Variants in MCUB observed in about 807,000 individuals in gnomAD.
MCUB encodes the protein mitochondrial calcium uniporter dominant negative subunit beta.
MCUB carries 46 observed loss-of-function variants against 41.4 expected under a neutral mutation model. That is an observed-to-expected ratio of 1.11 (90% confidence interval 0.88 to 1.42). The LOEUF is 1.42. Among genes scored for constraint, MCUB ranks in the 40% most tolerant of loss-of-function variants. The pLI is 0.00. For synonymous variants in MCUB, 148 were observed against 148.2 expected, an observed-to-expected ratio of 1.00 and a Z score of 0.01; for missense variants, 403 against 404.9, an observed-to-expected ratio of 1.00 and a Z score of 0.04.
At chr4:109,630,689 C>T (rs911736309) in intron 1 of MCUB, among the ~76,000 whole-genome samples, 2 of 152,240 alleles carry the variant, frequency 1.3e-5, no homozygotes, top group East Asian at 1.9e-4. Context: ...TCAAGCAATT[C>T]TCCTGTCTGA....
rs755577824 is a variant in MCUB, at chr4:109,664,353, TC to T, written c.411del (p.Ile138LeufsTer4). 6.1e-5 allele frequency: 96 copies of T among 1,562,768 alleles called. No individual in the cohort carries two copies. The highest frequency in any genetic ancestry group is 8.3e-5 in the Non-Finnish European group (94 of 1,133,678). On this transcript the variant is annotated frameshift_variant, in exon 4 of 8. Transcript: ENST00000394650. LOFTEE classifies it high-confidence loss of function. Reference sequence around the variant, plus strand: ...TTGCTAATGAATGATTTTAAACTTGTCATTAATAAAATAGCATATGATGTGC... The same window carrying T: ...TTGCTAATGAATGATTTTAAACTTGTATTAATAAAATAGCATATGATGTGC... ...DILLMNDFKL[V>X]INKIAYDVQC...
intron 4 of MCUB, among the ~76,000 whole-genome samples, chr4:109,669,174 C>T (rs2126147207): frequency 6.6e-6 from 1 of 152,230 alleles, no homozygotes; most frequent in South Asian, 2.1e-4. Context: ...TTGCTTTTCT[C>T]TGAAGAACTT....
At position 109,682,635 on chromosome 4, in the gene MCUB, C is replaced by T; in HGVS notation, c.505C>T (p.His169Tyr). The change falls in exon 5 of 8, where the codon CAC (histidine) becomes TAC (tyrosine). Residue 169 changes from histidine (H) to tyrosine (Y), a missense_variant. Transcript: ENST00000394650. ...GATGGAACACATGAAATCTTTGGTT[C>T]ACAGACTATTTACAATCTTGCATTT... ...AEMEHMKSLV[H>Y]RLFTILHLEE... 25 of 1,613,072 alleles carry T rather than the reference C, an allele frequency of 1.5e-5. No homozygotes were observed. Among genetic ancestry groups the T allele is most frequent in the Non-Finnish European group, 2.1e-5 (25 of 1,179,184 alleles).
At chr4:109,596,877 C>T (rs11726776) in intron 1 of MCUB, among the ~76,000 whole-genome samples, 35,289 of 150,866 alleles carry the variant, frequency 0.23, 4,346 homozygotes, top group Middle Eastern at 0.28. Flanking sequence ...GAGGACCCTG[C>T]GGCCTTCCGC....
chr4:109,680,614 A>G, intron 4 of MCUB, among the ~76,000 whole-genome samples: 1 of 152,210 alleles, frequency 6.6e-6, no homozygotes, highest in East Asian at 1.9e-4. Flanking sequence ...AAAGCCTAAA[A>G]GAGAACACCT....
At chr4:109,621,540 G>A (rs557595448) in intron 1 of MCUB, among the ~76,000 whole-genome samples, 1 of 152,218 alleles carries the variant, frequency 6.6e-6, no homozygotes, top group African/African-American at 2.4e-5. Context: ...CTTTGAAATG[G>A]CTTGGAAGAA....
At chr4:109,647,084 T>C (rs1728856411) in intron 1 of MCUB, among the ~76,000 whole-genome samples, 1 of 152,182 alleles carries the variant, frequency 6.6e-6, no homozygotes, top group African/African-American at 2.4e-5. Flanking sequence ...CTCTAAGAGT[T>C]TCCATATACT....
intron 1 of MCUB, among the ~76,000 whole-genome samples, chr4:109,639,559 G>A (rs938568112): frequency 6.6e-6 from 1 of 152,066 alleles, no homozygotes; most frequent in Non-Finnish European, 1.5e-5. Flanking sequence ...ATGATGGCAG[G>A]TGCCTGTAAT....
At chr4:109,613,302 G>A (rs563880237) in intron 1 of MCUB, among the ~76,000 whole-genome samples, 4 of 152,214 alleles carry the variant, frequency 2.6e-5, no homozygotes, top group African/African-American at 7.2e-5. Context: ...GCTCAAAATG[G>A]CACACATTTA....
intron 1 of MCUB, among the ~76,000 whole-genome samples, chr4:109,645,890 A>T (rs1178744663): frequency 6.6e-6 from 1 of 152,032 alleles, no homozygotes; most frequent in Non-Finnish European, 1.5e-5. Context: ...AAACAAACAG[A>T]TGTTTTCCCT....
At chr4:109,659,919 A>G (rs1400592978) in intron 2 of MCUB, among the ~76,000 whole-genome samples, 1 of 152,140 alleles carries the variant, frequency 6.6e-6, no homozygotes, top group Non-Finnish European at 1.5e-5. Flanking sequence ...GAGCCTCCCA[A>G]AGTGCTGGGA....
chr4:109,649,758 G>C (rs28402301), intron 1 of MCUB, among the ~76,000 whole-genome samples: 1 of 67,038 alleles, frequency 1.5e-5, no homozygotes, highest in Non-Finnish European at 3.0e-5. Flanking sequence ...TTTTAAAATA[G>C]AAATATGGTT....
At chr4:109,629,490 A>G (rs532120378) in intron 1 of MCUB, among the ~76,000 whole-genome samples, 4 of 152,232 alleles carry the variant, frequency 2.6e-5, no homozygotes, top group South Asian at 2.1e-4. Context: ...CTCTAATTCA[A>G]TTTGATTCTG....
chr4:109,560,426 C>T lies in MCUB; in HGVS notation c.89C>T (p.Pro30Leu). 1 of 1,293,262 alleles carries T rather than the reference C, an allele frequency of 7.7e-7. No individual in the cohort carries two copies. The highest frequency in any genetic ancestry group is 9.8e-7 in the Non-Finnish European group (1 of 1,021,332). The allele number at this position is 1,293,262 out of a possible 1,614,324, so 80.1% of individuals were successfully genotyped here. A position where few individuals can be genotyped will look rare whatever the true frequency, so the allele number is the denominator to read the frequency against. ...WRPARPWPLP[P>L]PPQVLRVKLC... ...CCAGCGCGCCCGTGGCCGCTGCCGC[C>T]TCCGCCCCAGGTAAGAGCGGGTGCC... The change falls in exon 1 of 8, where the codon CCT becomes CTT. Residue 30 changes from proline to leucine, a missense_variant. Physicochemically the swap from Pro to Leu is moderately conservative, Grantham distance 98. Coordinates refer to ENST00000394650, the MANE Select transcript of MCUB (RefSeq NM_017918.5).
intron 1 of MCUB, among the ~76,000 whole-genome samples, chr4:109,582,907 G>T (rs1727217276): frequency 6.6e-6 from 1 of 152,126 alleles, no homozygotes; most frequent in African/African-American, 2.4e-5. Context: ...ACTTTGTTCT[G>T]TTCCATGGGT....
At chr4:109,634,702 T>C (rs1202681873) in intron 1 of MCUB, among the ~76,000 whole-genome samples, 1 of 152,226 alleles carries the variant, frequency 6.6e-6, no homozygotes, top group Non-Finnish European at 1.5e-5. Context: ...GTATTCCATC[T>C]GATGAAGATG....
At chr4:109,627,066 A>G (rs1036639631) in intron 1 of MCUB, among the ~76,000 whole-genome samples, 2 of 152,246 alleles carry the variant, frequency 1.3e-5, no homozygotes, top group African/African-American at 4.8e-5. Flanking sequence ...CATATGTTGA[A>G]TTAGTGGATG....
intron 1 of MCUB, among the ~76,000 whole-genome samples, chr4:109,618,989 T>TCTCTCTCTCTCTCTCTC (rs36153862): frequency 7.5e-6 from 1 of 133,732 alleles, no homozygotes. Context: ...TCTCTCTCTC[T>TCTCTCTCTCTCTCTCTC]ACCTACCAAC....
At chr4:109,666,569 G>A (rs1295687940) in intron 4 of MCUB, among the ~76,000 whole-genome samples, 1 of 152,096 alleles carries the variant, frequency 6.6e-6, no homozygotes, top group Non-Finnish European at 1.5e-5. Context: ...CTCTTCATAC[G>A]CCTATTTGCC....
Sources: allele counts gnomAD v4.1 joint callset (sites outside exome capture counted in the v4.1 genomes callset), GRCh38; gene constraint gnomAD v4.1.1; transcripts MANE v1.5; gene names NCBI Gene and HGNC (gene_info 2026-07-23, HGNC 2026-07-21).